CACNA1C: variants seen among roughly 807,000 people sequenced by gnomAD.
The protein encoded by CACNA1C is voltage-dependent L-type calcium channel subunit alpha-1C.
CACNA1C carries 30 observed loss-of-function variants against 229.0 expected under a neutral mutation model. That is an observed-to-expected ratio of 0.13 (90% CI 0.10 to 0.18). The LOEUF (loss-of-function observed/expected upper bound fraction) is 0.18. Among genes scored for constraint, CACNA1C ranks in the 10% least tolerant of loss-of-function variants. CACNA1C has a pLI of 1.00. For synonymous variants in CACNA1C, 1,114 were observed against 1,132.5 expected (o/e 0.98, Z 0.33); for missense variants, 1,658 against 2,845.0 (o/e 0.58, Z 9.49).
intron 3 of CACNA1C, among the ~76,000 whole-genome samples, chr12:2,418,878 G>A (rs1473335456): frequency 1.3e-5 from 2 of 152,150 alleles, no homozygotes; most frequent in African/African-American, 4.8e-5. Flanking sequence ...GAGGGGATTG[G>A]GAGCTGAGGG....
intron 1 of CACNA1C, among the ~76,000 whole-genome samples, chr12:2,009,234 G>T (rs890972208): frequency 3.9e-5 from 6 of 152,140 alleles, no homozygotes; most frequent in African/African-American, 1.4e-4. Flanking sequence ...AAACAAGTTT[G>T]TAGAATGATA....
chr12:2,177,284 TCTC>T (rs1366832418), intron 3 of CACNA1C, among the ~76,000 whole-genome samples: 2 of 152,074 alleles, frequency 1.3e-5, no homozygotes, highest in African/African-American at 2.4e-5. Flanking sequence ...TTGTTCGTCT[TCTC>T]CTCTGGGTTT....
At chr12:2,060,213 G>A (rs183509849) in intron 1 of CACNA1C, among the ~76,000 whole-genome samples, 1,882 of 152,298 alleles carry the variant, frequency 0.012, 17 homozygotes, top group Non-Finnish European at 0.019. Context: ...ATGGGGATGG[G>A]AAGCCGGGCT....
intron 4 of CACNA1C, among the ~76,000 whole-genome samples, chr12:2,456,885 A>G (rs973917320): frequency 7.9e-5 from 12 of 152,216 alleles, no homozygotes; most frequent in African/African-American, 2.4e-4. Context: ...CTATAGCCCC[A>G]GTGTCTGGAA....
chr12:2,349,673 A>G (rs2097150839), intron 3 of CACNA1C, among the ~76,000 whole-genome samples: 2 of 152,110 alleles, frequency 1.3e-5, no homozygotes, highest in African/African-American at 4.8e-5. Flanking sequence ...CAGTGGTCCC[A>G]CGGATCTGGC....
At chr12:2,461,111 C>T (rs1164374642) in intron 5 of CACNA1C, among the ~76,000 whole-genome samples, 3 of 152,182 alleles carry the variant, frequency 2.0e-5, no homozygotes, top group African/African-American at 7.2e-5. Flanking sequence ...GATTCTTGTC[C>T]TCCCATTCTC....
chr12:2,695,865 T>C lies in CACNA1C; in HGVS notation c.*4666T>C, dbSNP rs1292717486. On this transcript the variant is annotated 3_prime_UTR_variant, in exon 47 of 47. Transcript: ENST00000399655. The stretch of plus-strand genomic sequence containing the variant: ...CAGGTGAACGGGTTTCTGCCACATC[T>C]CTACATTGACGGGGGATGCTTGAAC... The C allele has an allele frequency of 6.6e-6, 1 of 152,170 alleles. No homozygotes were observed. Among genetic ancestry groups the C allele is most frequent in the Admixed American group, 6.5e-5 (1 of 15,280 alleles). 9.4% of individuals were successfully genotyped at this position (152,170 alleles called of 1,614,324 possible).
intron 9 of CACNA1C, among the ~76,000 whole-genome samples, chr12:2,523,205 T>C (rs985750245): frequency 1.3e-5 from 2 of 152,254 alleles, no homozygotes; most frequent in Admixed American, 1.3e-4. Flanking sequence ...AGTTGAACTT[T>C]ATGATTCTGA....
At chr12:2,304,101 G>T (rs2094811248) in intron 3 of CACNA1C, among the ~76,000 whole-genome samples, 1 of 152,148 alleles carries the variant, frequency 6.6e-6, no homozygotes, top group South Asian at 2.1e-4. Context: ...CCTTGCCCGG[G>T]GTGCACAGGA....
At chr12:1,970,862 T>C, upstream of CACNA1C, 1 of 296,038 alleles carries the variant, frequency 3.4e-6, no homozygotes, top group East Asian at 9.2e-5. Flanking sequence ...TTTTGTTTTG[T>C]TTTTTAGAAT....
At chr12:2,212,847 C>A (rs943225368) in intron 3 of CACNA1C, among the ~76,000 whole-genome samples, 5 of 152,172 alleles carry the variant, frequency 3.3e-5, no homozygotes, top group Non-Finnish European at 5.9e-5. Context: ...ACAAAGGAAG[C>A]ACAGAACTGG....
chr12:2,650,493 G>A (rs1437754060), intron 31 of CACNA1C, among the ~76,000 whole-genome samples: 2 of 152,178 alleles, frequency 1.3e-5, no homozygotes, highest in Non-Finnish European at 2.9e-5. Flanking sequence ...GAAGCCCCGA[G>A]GGTCCATTCT....
In CACNA1C at chr12:2,633,261, G is replaced by A. The variant is rs1384739203; in HGVS notation, c.3829-1036G>A. 2.6e-5 allele frequency among the ~76,000 whole-genome samples: 4 copies of A among 152,156 alleles called. No individual in the cohort carries two copies. Among genetic ancestry groups the A allele is most frequent in the Non-Finnish European group, 5.9e-5 (4 of 68,024 alleles). ...ACTGGGGGTGCAGGAGATGCTCAGC[G>A]TGGACTGAGAAGAGAGCATAGTAGC... On this transcript the variant is annotated intron_variant, in intron 29 of 46. Coordinates refer to ENST00000399655, the MANE Select transcript of CACNA1C (RefSeq NM_000719.7). This position sits in a 1 kb window ranked among gnomAD's most constrained non-coding sequence, Gnocchi z 5.8.
chr12:2,567,857 G>C (rs1414929696), intron 13 of CACNA1C, 63 bp downstream of exon 13: 11 of 1,043,496 alleles, frequency 1.1e-5, no homozygotes, highest in Non-Finnish European at 1.6e-5. Context: ...CAGAGGGCAA[G>C]GGAGGTGGCA....
At chr12:2,541,993 C>G (rs1173982704) in intron 9 of CACNA1C, among the ~76,000 whole-genome samples, 1 of 152,108 alleles carries the variant, frequency 6.6e-6, no homozygotes, top group Non-Finnish European at 1.5e-5. Flanking sequence ...GGATGGTTCT[C>G]CCCATCCTCC....
chr12:2,063,479 T>G (rs2058276660), intron 1 of CACNA1C, among the ~76,000 whole-genome samples: 1 of 152,222 alleles, frequency 6.6e-6, no homozygotes, highest in South Asian at 2.1e-4. Context: ...AGTTGGAGTT[T>G]GCTGTGTAGT....
chr12:2,682,556 C>A lies in CACNA1C; in HGVS notation c.5451C>A (p.His1817Gln). ...TTCATCTTGGATATTGTAGGTGCCACTCCCGGGAGAGCCAGGCAGCCATGG... is the reference window on the plus strand; with the variant it reads ...TTCATCTTGGATATTGTAGGTGCCAATCCCGGGAGAGCCAGGCAGCCATGG... ...VAWKLSSNRC[H>Q]SRESQAAMAG... Residue 1817 changes from histidine (H) to glutamine (Q), a missense_variant, in exon 43 of 47, where the codon CAC (histidine) becomes CAA (glutamine). Coordinates refer to ENST00000399655, the MANE Select transcript of CACNA1C (RefSeq NM_000719.7). The A allele has an allele frequency of 6.2e-7, 1 of 1,612,160 alleles. No individual in the cohort carries two copies. Among genetic ancestry groups the A allele is most frequent in the Non-Finnish European group, 8.5e-7 (1 of 1,179,358 alleles).
At chr12:2,648,401 A>T (rs1346744650) in intron 30 of CACNA1C, 74 bp from the exon 31 acceptor site, 6 of 1,392,846 alleles carry the variant, frequency 4.3e-6, no homozygotes, top group Middle Eastern at 1.8e-4. Context: ...CTCCCGTGTC[A>T]GCCAAGACCT....
chr12:2,276,062 TG>T (rs2087854591), intron 3 of CACNA1C, among the ~76,000 whole-genome samples: 2 of 152,204 alleles, frequency 1.3e-5, no homozygotes, highest in South Asian at 4.2e-4. Flanking sequence ...TTTTTTAATT[TG>T]TATAATTTTT....
Sources: allele counts gnomAD v4.1 joint callset (sites outside exome capture counted in the v4.1 genomes callset), GRCh38; gene constraint gnomAD v4.1.1; non-coding constraint Gnocchi (gnomAD v3.1); transcripts MANE v1.5; gene names NCBI Gene and HGNC (gene_info 2026-07-23, HGNC 2026-07-21).